The following PPP3CC variants were observed in gnomAD, a reference collection of about 807,000 sequenced individuals.
The protein encoded by PPP3CC is serine/threonine-protein phosphatase 2B catalytic subunit gamma isoform.
Under a neutral mutation model 60.3 loss-of-function variants are expected in PPP3CC, and 35 were observed. The observed-to-expected ratio is 0.58, with a 90% CI of 0.44 to 0.77. The LOEUF (loss-of-function observed/expected upper bound fraction) is 0.77, where lower values mean the gene tolerates loss of function less well. Among genes scored for constraint, PPP3CC ranks in the 30% least tolerant of loss-of-function variants. The pLI is 0.00. For missense variants in PPP3CC, 570 were observed against 628.9 expected, an observed-to-expected ratio of 0.91 and a Z score of 1.00; for synonymous variants, 206 against 224.3, an observed-to-expected ratio of 0.92 and a Z score of 0.73.
chr8:22,450,991 CG>C (rs942133329), intron 1 of PPP3CC, among the ~76,000 whole-genome samples: 1 of 147,840 alleles, frequency 6.8e-6, no homozygotes, highest in African/African-American at 2.6e-5. Flanking sequence ...CGCGCCACCA[CG>C]CCCGGCTAAT....
chr8:22,531,275 G>A, intron 10 of PPP3CC: 2 of 1,522,064 alleles, frequency 1.3e-6, no homozygotes, highest in Non-Finnish European at 1.8e-6. Flanking sequence ...TCATCTCCTT[G>A]TTTCTTGGTG....
At chr8:22,468,808 C>T (rs1336051639) in intron 1 of PPP3CC, among the ~76,000 whole-genome samples, 1 of 152,124 alleles carries the variant, frequency 6.6e-6, no homozygotes, top group Non-Finnish European at 1.5e-5. Context: ...AAGAAACTGC[C>T]ATAGCAATAT....
intron 1 of PPP3CC, among the ~76,000 whole-genome samples, chr8:22,449,630 A>G (rs1374166557): frequency 2.0e-5 from 3 of 151,922 alleles, no homozygotes; most frequent in East Asian, 1.9e-4. Flanking sequence ...TTAGCAGAAA[A>G]AGTAGTGGTT....
intron 8 of PPP3CC, among the ~76,000 whole-genome samples, chr8:22,523,140 T>A (rs1839452718): frequency 1.3e-5 from 2 of 152,204 alleles, no homozygotes; most frequent in Admixed American, 1.3e-4. Context: ...ATTATTAAAC[T>A]ATTTTTGTTT....
intron 6 of PPP3CC, among the ~76,000 whole-genome samples, chr8:22,515,913 CTTTATTTTATTTTATTTTAT>C (rs71206525): frequency 3.3e-3 from 484 of 144,666 alleles, no homozygotes; most frequent in Non-Finnish European, 5.0e-3. Flanking sequence ...CTTTCTTCTT[CTTTATTTTATTTTATTTTAT>C]TTTATTTTAT....
chr8:22,525,114 G>A (rs1839503639), intron 8 of PPP3CC, among the ~76,000 whole-genome samples: 1 of 151,728 alleles, frequency 6.6e-6, no homozygotes, highest in African/African-American at 2.4e-5. Context: ...TCACACCACT[G>A]CATTCCAGCC....
At chr8:22,488,765 T>C (rs1838297138) in intron 3 of PPP3CC, among the ~76,000 whole-genome samples, 1 of 152,184 alleles carries the variant, frequency 6.6e-6, no homozygotes, top group Admixed American at 6.5e-5. Context: ...GAAGAGGCAA[T>C]TGTTGAACAG....
At chr8:22,524,096 A>G (rs1232217773) in intron 8 of PPP3CC, among the ~76,000 whole-genome samples, 1 of 152,180 alleles carries the variant, frequency 6.6e-6, no homozygotes, top group Non-Finnish European at 1.5e-5. Context: ...TGGATATTAA[A>G]GTGTTGTTCA....
At position 22,475,348 on chromosome 8, in the gene PPP3CC, T is replaced by C. The variant is rs1192376435; in HGVS notation, c.248-152T>C. On this transcript the variant is annotated intron_variant, in intron 2 of 13. Coordinates refer to ENST00000240139, the MANE Select transcript of PPP3CC (RefSeq NM_005605.5). ...GTGTCTCATATTTCCAGTAGAACTATTTAGTATGAGTAGATTGACTACAGT... is the reference window on the plus strand; with the variant it reads ...GTGTCTCATATTTCCAGTAGAACTACTTAGTATGAGTAGATTGACTACAGT... 5 of 1,002,442 alleles carry C rather than the reference T, an allele frequency of 5.0e-6. No homozygotes were observed. In the Admixed American group the frequency reaches 7.3e-5, roughly 15 times the overall value. 62.1% of individuals were successfully genotyped at this position (1,002,442 alleles called of 1,614,324 possible). A position where few individuals can be genotyped will look rare whatever the true frequency, so the allele number is the denominator to read the frequency against.
In PPP3CC at chr8:22,498,262, T is replaced by G. The variant is rs1040588857; in HGVS notation, c.484+150T>G. The G allele has an allele frequency of 3.8e-5, 19 of 503,524 alleles. No homozygotes were observed. The Admixed American group carries it at 4.1e-4, about 11-fold the overall frequency. 31.2% of individuals were successfully genotyped at this position (503,524 alleles called of 1,614,324 possible). A position where few individuals can be genotyped will look rare whatever the true frequency, so the allele number is the denominator to read the frequency against. On this transcript the variant is annotated intron_variant, in intron 4 of 13. Transcript: ENST00000240139. ...ACCTGCAAAGAACTAAGATTCTATC[T>G]TCTAAAACATTTATTTTGAAAATAA...
At chr8:22,526,768 G>T (rs1462661691) in intron 8 of PPP3CC, among the ~76,000 whole-genome samples, 1 of 152,150 alleles carries the variant, frequency 6.6e-6, no homozygotes, top group Non-Finnish European at 1.5e-5. Context: ...TATCTGAATG[G>T]TTAATATTAA....
At chr8:22,539,934 A>G (rs1052544003) in intron 13 of PPP3CC, among the ~76,000 whole-genome samples, 1 of 152,230 alleles carries the variant, frequency 6.6e-6, no homozygotes, top group East Asian at 1.9e-4. Context: ...AGGTTGCCCT[A>G]AGGTAGGCAA....
At chr8:22,449,381 G>C (rs1836935280) in intron 1 of PPP3CC, among the ~76,000 whole-genome samples, 1 of 148,770 alleles carries the variant, frequency 6.7e-6, no homozygotes, top group Non-Finnish European at 1.5e-5. Context: ...CCAGGAGGTG[G>C]AGGTTGCAGG....
At chr8:22,509,580 A>G (rs184769836) in intron 4 of PPP3CC, among the ~76,000 whole-genome samples, 4 of 152,204 alleles carry the variant, frequency 2.6e-5, no homozygotes, top group Admixed American at 2.6e-4. Context: ...CCCACCTATT[A>G]TTTCATGACT....
rs375740766 is a variant in PPP3CC, at chr8:22,441,442, C to A, written c.33C>A (p.Thr11=). ...GGAGGCGCTTCCACCTCTCCACCAC[C>A]GACCGCGTCATCAAAGGTGCCTGGC... is the stretch of plus-strand genomic sequence containing the variant. MSGRRFHLST[T]DRVIKAVPFP... is the part of the protein sequence containing the mutation. Residue 11 remains threonine (T), a synonymous_variant, in exon 1 of 14, where the codon ACC becomes ACA. Coordinates refer to ENST00000240139, the MANE Select transcript of PPP3CC (RefSeq NM_005605.5). 5 of 1,547,196 alleles carry A rather than the reference C, an allele frequency of 3.2e-6. No homozygotes were observed. The highest frequency in any genetic ancestry group is 4.4e-6 in the Non-Finnish European group (5 of 1,146,444).
intron 1 of PPP3CC, among the ~76,000 whole-genome samples, chr8:22,465,322 A>G (rs145470631): frequency 6.6e-6 from 1 of 152,162 alleles, no homozygotes; most frequent in Non-Finnish European, 1.5e-5. Context: ...TATGATCCCC[A>G]GAAAGCATAT....
At position 22,441,357 on chromosome 8, in the gene PPP3CC, G is replaced by A. The variant is rs1200372908; in HGVS notation, c.-53G>A. On this transcript the variant is annotated 5_prime_UTR_variant, in exon 1 of 14. Coordinates refer to ENST00000240139, the MANE Select transcript of PPP3CC (RefSeq NM_005605.5). ...GCCCGAGGAGAAGGCGGCGGCCGCG[G>A]CGTAGGCGCACGTCCGGCGGGCTCC... 13 of 1,504,798 alleles carry A rather than the reference G, an allele frequency of 8.6e-6. No homozygotes were observed. In the African/African-American group the frequency reaches 1.7e-4, roughly 20 times the overall value. 93.2% of individuals were successfully genotyped at this position (1,504,798 alleles called of 1,614,324 possible).
At chr8:22,442,440 A>G (rs1836700048) in intron 1 of PPP3CC, among the ~76,000 whole-genome samples, 1 of 152,288 alleles carries the variant, frequency 6.6e-6, no homozygotes, top group African/African-American at 2.4e-5. Context: ...TAGTGACGGG[A>G]ATACATTTTT....
Position 22,461,835 on chromosome 8 carries a change from C to T in PPP3CC, c.50-13119C>T, listed in dbSNP as rs1342915235. ...TAGAATATGTAATTTGAGTGAGTTG[C>T]TGGAACAGCCAGTAGTTTTGCCTCT... On this transcript the variant is annotated intron_variant, in intron 1 of 13. Coordinates refer to ENST00000240139, the MANE Select transcript of PPP3CC (RefSeq NM_005605.5). 2.6e-5 allele frequency among the ~76,000 whole-genome samples: 4 copies of T among 152,178 alleles called. No individual in the cohort carries two copies. In the East Asian group the frequency reaches 7.7e-4, roughly 29 times the overall value.
Sources: gnomAD v4.1 joint callset for allele counts (sites outside exome capture counted in the v4.1 genomes callset) on GRCh38, gnomAD v4.1.1 for gene constraint, MANE v1.5 for transcripts, NCBI Gene and HGNC (gene_info 2026-07-23, HGNC 2026-07-21) for gene names.